Variants in GPIHBP1 observed in about 807,000 individuals in gnomAD.
GPIHBP1 encodes the protein glycosylphosphatidylinositol-anchored high density lipoprotein-binding protein 1.
GPIHBP1 carries 11 observed loss-of-function variants against 13.0 expected under a neutral mutation model. The ratio of observed to expected loss-of-function variants is 0.84; its 90% CI spans 0.53 to 1.40. GPIHBP1 has a LOEUF of 1.40. Among genes scored for constraint, GPIHBP1 ranks in the 40% most tolerant of loss-of-function variants. GPIHBP1 has a pLI of 0.00. For missense variants in GPIHBP1, 231 were observed against 241.1 expected (o/e 0.96, Z 0.28); for synonymous variants, 106 against 102.2 (o/e 1.04, Z -0.22).
chr8:143,214,973 T>TG lies in GPIHBP1; in HGVS notation c.182-34dup, dbSNP rs1394672883. The stretch of plus-strand genomic sequence containing the variant: ...TGGACAGGGACGTGGGAGGAGACCC[T>TG]GGGGGGCCCGGCCTCGGCCTGAGCC... On this transcript the variant is annotated intron_variant, in intron 2 of 3. Coordinates refer to ENST00000622500, the MANE Select transcript of GPIHBP1 (RefSeq NM_178172.6). This position sits in a 1 kb window ranked among gnomAD's most constrained non-coding sequence, Gnocchi z 4.1. 6 of 1,410,520 alleles carry TG rather than the reference T, an allele frequency of 4.3e-6. No individual in the cohort carries two copies. In the Admixed American group the frequency reaches 7.9e-5, roughly 19 times the overall value. 87.4% of individuals were successfully genotyped at this position (1,410,520 alleles called of 1,614,324 possible). A position where few individuals can be genotyped will look rare whatever the true frequency, so the allele number is the denominator to read the frequency against.
rs982958174 is a variant in GPIHBP1 at position 143,214,541 on chromosome 8, C to G, written c.182-472C>G. Among the ~76,000 whole-genome samples the G allele has an allele frequency of 7.1e-6, 1 of 140,258 alleles. No homozygotes were observed. Among genetic ancestry groups the G allele is most frequent in the Non-Finnish European group, 1.5e-5 (1 of 67,604 alleles). The allele number at this position is 140,258 out of a possible 152,430, so 92.0% of individuals were successfully genotyped here. A position where few individuals can be genotyped will look rare whatever the true frequency, so the allele number is the denominator to read the frequency against. On this transcript the variant is annotated intron_variant, in intron 2 of 3. Coordinates refer to ENST00000622500, the MANE Select transcript of GPIHBP1 (RefSeq NM_178172.6). This position sits in a 1 kb window ranked among gnomAD's most constrained non-coding sequence, Gnocchi z 4.1. The stretch of plus-strand genomic sequence containing the variant: ...GGACCACAGCGTGCCCCACCACACA[C>G]AGCCCCTCCCTAGCCAGGGCCCCCA...
At chr8:143,213,384 T>G in intron 1 of GPIHBP1, 65 bp downstream of exon 1, 1 of 1,334,178 alleles carries the variant, frequency 7.5e-7, no homozygotes, top group East Asian at 2.4e-5. Context: ...CACAGGGACC[T>G]CCAGGGACCC....
chr8:143,214,030 C>G lies in GPIHBP1; in HGVS notation c.181+80C>G. On this transcript the variant is annotated intron_variant, in intron 2 of 3. Transcript: ENST00000622500. The surrounding 1 kb of genome is among the most constrained non-coding windows in gnomAD (Gnocchi z 4.1). Reference sequence around the variant, plus strand: ...GGCGGGGCTGTGTGATGGAAGCCAGCAGGCCACAGTCCTGCTGTGAGCTTG... The same window carrying G: ...GGCGGGGCTGTGTGATGGAAGCCAGGAGGCCACAGTCCTGCTGTGAGCTTG... The G allele has an allele frequency of 2.0e-6, 3 of 1,529,390 alleles. No individual in the cohort carries two copies. The highest frequency in any genetic ancestry group is 2.6e-6 in the Non-Finnish European group (3 of 1,132,352). 94.7% of individuals were successfully genotyped at this position (1,529,390 alleles called of 1,614,324 possible).
chr8:143,215,125 C>T lies in GPIHBP1; in HGVS notation c.294C>T (p.Thr98=), dbSNP rs142959160. The change falls in exon 3 of 4, where the codon ACC becomes ACT. Residue 98 remains threonine (T), a splice_region_variant and synonymous_variant. Coordinates refer to ENST00000622500, the MANE Select transcript of GPIHBP1 (RefSeq NM_178172.6). ...CAACCCTCATTGCCCACGGGAACAC[C>T]GGTAAGTGGGCGTGGGGCCGCAGCA... ...TCTTLIAHGN[T]ESGLLTTHST... is the part of the protein sequence containing the mutation. 1,108 of 1,611,672 alleles carry T rather than the reference C, an allele frequency of 6.9e-4. No homozygotes were observed. The highest frequency in any genetic ancestry group is 8.7e-4 in the Non-Finnish European group (1,024 of 1,178,938).
rs757328428 is a variant in GPIHBP1, at chr8:143,213,291, G to A, written c.24G>A (p.Leu8=). The A allele has an allele frequency of 1.9e-6, 3 of 1,597,786 alleles. No individual in the cohort carries two copies. The highest frequency in any genetic ancestry group is 2.6e-6 in the Non-Finnish European group (3 of 1,176,354). MKALGAV[L]LALLLFGRPG... is the part of the protein sequence containing the mutation. ...AGATGAAGGCGCTCGGGGCTGTCCT[G>A]CTTGCCCTCTTGCTGTTCGGGCGGC... Residue 8 remains leucine, a synonymous_variant, in exon 1 of 4, where the codon CTG becomes CTA. Transcript: ENST00000622500.
At chr8:143,213,770 G>T in intron 1 of GPIHBP1, 52 bp from the exon 2 acceptor site, 1 of 1,572,782 alleles carries the variant, frequency 6.4e-7, no homozygotes, top group Admixed American at 1.8e-5. Context: ...CCCAGAGCAG[G>T]TGTCCTCCAT....
In GPIHBP1 at chr8:143,215,525, GC is replaced by G. The variant is rs2130673907; in HGVS notation, c.*11del. The G allele has an allele frequency of 6.4e-7, 1 of 1,569,880 alleles. No individual in the cohort carries two copies. The highest frequency in any genetic ancestry group is 1.2e-5 in the South Asian group (1 of 86,358). On this transcript the variant is annotated 3_prime_UTR_variant, in exon 4 of 4. Coordinates refer to ENST00000622500, the MANE Select transcript of GPIHBP1 (RefSeq NM_178172.6). ...GGGGGCCAGGAGACCCTGACCCACG[GC>G]CCCTCCCCACCCCCACCCGGCTCAC...
Position 143,214,028 on chromosome 8 carries a change from A to C in GPIHBP1, c.181+78A>C. On this transcript the variant is annotated intron_variant, in intron 2 of 3. Transcript: ENST00000622500. The surrounding 1 kb of genome is among the most constrained non-coding windows in gnomAD (Gnocchi z 4.1). The stretch of plus-strand genomic sequence containing the variant: ...TGGGCGGGGCTGTGTGATGGAAGCC[A>C]GCAGGCCACAGTCCTGCTGTGAGCT... The C allele has an allele frequency of 6.5e-7, 1 of 1,532,068 alleles. No homozygotes were observed. Among genetic ancestry groups the C allele is most frequent in the Non-Finnish European group, 8.8e-7 (1 of 1,134,472 alleles). The allele number at this position is 1,532,068 out of a possible 1,614,324, so 94.9% of individuals were successfully genotyped here. A position where few individuals can be genotyped will look rare whatever the true frequency, so the allele number is the denominator to read the frequency against.
At chr8:143,213,699 C>G (rs1186480113) in intron 1 of GPIHBP1, 123 bp from the exon 2 acceptor site, 36 of 1,409,666 alleles carry the variant, frequency 2.6e-5, no homozygotes, top group Non-Finnish European at 3.0e-5. Context: ...GGGCCCTCCC[C>G]AGCCACCCTG....
At position 143,213,863 on chromosome 8, in the gene GPIHBP1, G is replaced by T; in HGVS notation, c.94G>T (p.Asp32Tyr). The T allele has an allele frequency of 6.4e-7, 1 of 1,556,508 alleles. No individual in the cohort carries two copies. The highest frequency in any genetic ancestry group is 1.2e-5 in the South Asian group (1 of 84,386). Reference sequence around the variant, plus strand: ...GCAGGAGGAAGAGGAAGAGGACGAGGACCACGGGCCAGATGACTACGACGA... The same window carrying T: ...GCAGGAGGAAGAGGAAGAGGACGAGTACCACGGGCCAGATGACTACGACGA... ...TQQEEEEEDE[D>Y]HGPDDYDEED... The change falls in exon 2 of 4, where the codon GAC (aspartate) becomes TAC (tyrosine). Residue 32 changes from aspartate to tyrosine, a missense_variant. By Grantham distance (160) the Asp-to-Tyr change is radical (BLOSUM62 -3). Transcript: ENST00000622500.
rs981420910 is a variant in GPIHBP1, at chr8:143,215,630, CTT to C, written c.*113_*114del. Reference sequence around the variant, plus strand: ...GCTTTGGAGAATGGATTTGGAGTGTCTTGGGCGATCCAGCCAGCGCAGGCCCC... The same window carrying C: ...GCTTTGGAGAATGGATTTGGAGTGTCGGGCGATCCAGCCAGCGCAGGCCCC... On this transcript the variant is annotated 3_prime_UTR_variant, in exon 4 of 4. Coordinates refer to ENST00000622500, the MANE Select transcript of GPIHBP1 (RefSeq NM_178172.6). 8 of 965,452 alleles carry C rather than the reference CTT, an allele frequency of 8.3e-6. No homozygotes were observed. In the Admixed American group the frequency reaches 1.3e-4, roughly 15 times the overall value. The allele number at this position is 965,452 out of a possible 1,614,324, so 59.8% of individuals were successfully genotyped here. A position where few individuals can be genotyped will look rare whatever the true frequency, so the allele number is the denominator to read the frequency against.
Position 143,215,827 on chromosome 8 carries a change from G to A in GPIHBP1, c.*309G>A. On this transcript the variant is annotated 3_prime_UTR_variant, in exon 4 of 4. Coordinates refer to ENST00000622500, the MANE Select transcript of GPIHBP1 (RefSeq NM_178172.6). The stretch of plus-strand genomic sequence containing the variant: ...GGATCCCCATCAGCACAGCCAGGCA[G>A]AGATGATACCCACCACACACCTGGG... The A allele has an allele frequency of 2.1e-6, 1 of 484,142 alleles. No individual in the cohort carries two copies. The highest frequency in any genetic ancestry group is 2.9e-5 in the South Asian group (1 of 34,998). The allele number at this position is 484,142 out of a possible 1,614,324, so 30.0% of individuals were successfully genotyped here.
chr8:143,214,890 A>C lies in GPIHBP1; in HGVS notation c.182-123A>C. The stretch of plus-strand genomic sequence containing the variant: ...TCAGGGGTCGCCCGCCCATCTGAGC[A>C]GTGGGTGCTGGAGGCTCACCAGGCT... On this transcript the variant is annotated intron_variant, in intron 2 of 3. Transcript: ENST00000622500. The surrounding 1 kb of genome is among the most constrained non-coding windows in gnomAD (Gnocchi z 4.1). 1 of 684,842 alleles carries C rather than the reference A, an allele frequency of 1.5e-6. No homozygotes were observed. Among genetic ancestry groups the C allele is most frequent in the Non-Finnish European group, 2.6e-6 (1 of 388,434 alleles). The allele number at this position is 684,842 out of a possible 1,614,324, so 42.4% of individuals were successfully genotyped here.
At chr8:143,213,786 G>A in intron 1 of GPIHBP1, 36 bp from the exon 2 acceptor site, 1 of 1,575,114 alleles carries the variant, frequency 6.3e-7, no homozygotes, top group Non-Finnish European at 8.6e-7. Context: ...TCCATACCCG[G>A]GTAGCTGAGG....
Position 143,213,872 on chromosome 8 carries a change from C to A in GPIHBP1, c.103C>A (p.Pro35Thr). 6.4e-7 allele frequency: 1 copy of A among 1,554,136 alleles called. No homozygotes were observed. Among genetic ancestry groups the A allele is most frequent in the Non-Finnish European group, 8.7e-7 (1 of 1,148,442 alleles). Residue 35 changes from proline (P) to threonine (T), a missense_variant, in exon 2 of 4, where the codon CCA (proline) becomes ACA (threonine). Pro to Thr is a conservative substitution (Grantham distance 38). Transcript: ENST00000622500. ...AGAGGAAGAGGACGAGGACCACGGG[C>A]CAGATGACTACGACGAGGAAGATGA... ...EEEEEDEDHGPDDYDEEDEDE... is the reference protein window; with the variant it reads ...EEEEEDEDHGTDDYDEEDEDE...
chr8:143,215,955 G>A lies in GPIHBP1; in HGVS notation c.*437G>A, dbSNP rs980173983. The A allele has an allele frequency of 4.1e-5, 8 of 194,478 alleles. No individual in the cohort carries two copies. In the South Asian group the frequency reaches 7.0e-4, roughly 17 times the overall value. 12.0% of individuals were successfully genotyped at this position (194,478 alleles called of 1,614,324 possible). ...TGCCCTTCCCCAGGTCGGCCTCTCC[G>A]CTGTCTGGAGGGAAGGGGATTTGGA... On this transcript the variant is annotated 3_prime_UTR_variant, in exon 4 of 4. Transcript: ENST00000622500.
At chr8:143,215,232 G>A (rs1816286160) in intron 3 of GPIHBP1, 27 bp from the exon 4 acceptor site, 1 of 1,612,872 alleles carries the variant, frequency 6.2e-7, no homozygotes, top group South Asian at 1.1e-5. Flanking sequence ...CCCATCCTCA[G>A]CACTTGTTCC....
In GPIHBP1 at chr8:143,214,549, C is replaced by T. The variant is rs1816271040; in HGVS notation, c.182-464C>T. ...GCGTGCCCCACCACACACAGCCCCT[C>T]CCTAGCCAGGGCCCCCAGCATGCCC... On this transcript the variant is annotated intron_variant, in intron 2 of 3. Coordinates refer to ENST00000622500, the MANE Select transcript of GPIHBP1 (RefSeq NM_178172.6). The surrounding 1 kb of genome is among the most constrained non-coding windows in gnomAD (Gnocchi z 4.1). Among the ~76,000 whole-genome samples, 1 of 141,194 alleles carries T rather than the reference C, an allele frequency of 7.1e-6. No homozygotes were observed. The highest frequency in any genetic ancestry group is 3.2e-5 in the African/African-American group (1 of 31,220). 92.6% of individuals were successfully genotyped at this position (141,194 alleles called of 152,430 possible).
At position 143,213,230 on chromosome 8, in the gene GPIHBP1, G is replaced by A. The variant is rs745376192; in HGVS notation, c.-38G>A. On this transcript the variant is annotated 5_prime_UTR_variant, in exon 1 of 4. Coordinates refer to ENST00000622500, the MANE Select transcript of GPIHBP1 (RefSeq NM_178172.6). ...TTACCGCAGCTCCAGAGCCCTGCGGGAGGACTCAGAGTCAGGGACACAGCA... is the reference window on the plus strand; with the variant it reads ...TTACCGCAGCTCCAGAGCCCTGCGGAAGGACTCAGAGTCAGGGACACAGCA... 4 of 1,569,304 alleles carry A rather than the reference G, an allele frequency of 2.5e-6. No homozygotes were observed. In the South Asian group the frequency reaches 3.5e-5, roughly 14 times the overall value.
Sources: allele counts gnomAD v4.1 joint callset (sites outside exome capture counted in the v4.1 genomes callset), GRCh38; gene constraint gnomAD v4.1.1; non-coding constraint Gnocchi (gnomAD v3.1); transcripts MANE v1.5; gene names NCBI Gene and HGNC (gene_info 2026-07-23, HGNC 2026-07-21).